Variants in PLPP4 observed in about 807,000 individuals in gnomAD.
PLPP4 encodes diacylglycerol pyrophosphate like 2.
Under a neutral mutation model 32.2 loss-of-function variants are expected in PLPP4, and 20 were observed. That is an observed-to-expected ratio of 0.62 (90% CI 0.44 to 0.90). PLPP4 has a LOEUF of 0.90. Ranked by LOEUF, PLPP4 falls within the 40% of genes least tolerant of loss-of-function variation. PLPP4 has a pLI of 0.00. For missense variants in PLPP4, 257 were observed against 353.1 expected (o/e 0.73, Z 2.18); for synonymous variants, 127 against 133.0 (o/e 0.95, Z 0.31).
intron 6 of PLPP4, among the ~76,000 whole-genome samples, chr10:120,583,967 C>T (rs893342677): frequency 6.6e-6 from 1 of 152,178 alleles, no homozygotes; most frequent in African/African-American, 2.4e-5. Flanking sequence ...GAGGGCTCCA[C>T]AGAGCCACAA....
intron 2 of PLPP4, among the ~76,000 whole-genome samples, chr10:120,506,973 G>A (rs1398174375): frequency 1.3e-5 from 2 of 152,204 alleles, no homozygotes; most frequent in African/African-American, 2.4e-5. Context: ...TATGCCCAAG[G>A]CCTTTATGGA....
chr10:120,513,764 C>CTTTTT, intron 2 of PLPP4, 147 bp from the exon 3 acceptor site: 3 of 651,010 alleles, frequency 4.6e-6, no homozygotes, highest in Middle Eastern at 2.5e-4. Flanking sequence ...ATACATCATC[C>CTTTTT]TTTTTTTTTT....
chr10:120,571,402 G>T (rs188971698), intron 5 of PLPP4, among the ~76,000 whole-genome samples: 2 of 151,986 alleles, frequency 1.3e-5, no homozygotes, highest in African/African-American at 4.8e-5. Flanking sequence ...GATGGAGGTA[G>T]GGTGGGGGAC....
chr10:120,571,057 A>G (rs2134040566), intron 5 of PLPP4, among the ~76,000 whole-genome samples: 1 of 150,440 alleles, frequency 6.6e-6, no homozygotes, highest in East Asian at 2.0e-4. Flanking sequence ...CCCACAGGTC[A>G]CTATGCTTAC....
Position 120,589,352 on chromosome 10 carries a change from C to T in PLPP4, c.666C>T (p.Tyr222=), listed in dbSNP as rs775194132. 1.9e-6 allele frequency: 3 copies of T among 1,614,170 alleles called. No homozygotes were observed. Among genetic ancestry groups the T allele is most frequent in the Middle Eastern group, 1.6e-4 (1 of 6,062 alleles). ...GCCTCATTTTTGCATACATTTGCTA[C>T]AGACAGCACTATCCTCCTCTGGCCA... ...VIGLIFAYIC[Y]RQHYPPLANT... is the part of the protein sequence containing the mutation. Residue 222 remains tyrosine, a synonymous_variant, in exon 7 of 7, where the codon TAC becomes TAT. Transcript: ENST00000398250.
chr10:120,494,762 T>C (rs1397340983), intron 1 of PLPP4, among the ~76,000 whole-genome samples: 1 of 152,208 alleles, frequency 6.6e-6, no homozygotes, highest in African/African-American at 2.4e-5. Context: ...TCTTGGGGTC[T>C]TCATTTCTTT....
Position 120,589,699 on chromosome 10 carries a change from A to G in PLPP4, c.*197A>G. ...CCAACATCCTTGAATTTGCAAGTGA[A>G]GGACAACAATCTCTGAGAGACGTGT... On this transcript the variant is annotated 3_prime_UTR_variant, in exon 7 of 7. Coordinates refer to ENST00000398250, the MANE Select transcript of PLPP4 (RefSeq NM_001030059.3). 1.7e-6 allele frequency: 1 copy of G among 576,136 alleles called. No individual in the cohort carries two copies. Among genetic ancestry groups the G allele is most frequent in the Non-Finnish European group, 3.0e-6 (1 of 328,460 alleles). 35.7% of individuals were successfully genotyped at this position (576,136 alleles called of 1,614,324 possible). A position where few individuals can be genotyped will look rare whatever the true frequency, so the allele number is the denominator to read the frequency against.
In PLPP4 at chr10:120,571,690, C is replaced by G. The variant is rs1435388914; in HGVS notation, c.446-3441C>G. On this transcript the variant is annotated intron_variant, in intron 5 of 6. Coordinates refer to ENST00000398250, the MANE Select transcript of PLPP4 (RefSeq NM_001030059.3). ...AGAGATTGCACCTTGATCCCAAACC[C>G]CTTAGCTGCCAGGAAGAGTGTCAGA... Among the ~76,000 whole-genome samples, 5 of 152,062 alleles carry G rather than the reference C, an allele frequency of 3.3e-5. No homozygotes were observed. In the East Asian group the frequency reaches 7.7e-4, roughly 24 times the overall value.
At chr10:120,484,579 C>T (rs951297454) in intron 1 of PLPP4, among the ~76,000 whole-genome samples, 34 of 152,300 alleles carry the variant, frequency 2.2e-4, no homozygotes, top group Non-Finnish European at 4.7e-4. Flanking sequence ...CGGGGCAAAG[C>T]CCTTATGGCC....
At chr10:120,504,449 C>T (rs1186949772) in intron 2 of PLPP4, among the ~76,000 whole-genome samples, 1 of 152,202 alleles carries the variant, frequency 6.6e-6, no homozygotes, top group African/African-American at 2.4e-5. Context: ...GAAGCAATAA[C>T]ATTTCCAAAT....
At chr10:120,570,769 A>G (rs1019511319) in intron 5 of PLPP4, among the ~76,000 whole-genome samples, 3 of 152,208 alleles carry the variant, frequency 2.0e-5, no homozygotes, top group Non-Finnish European at 4.4e-5. Context: ...CAGTGTCACC[A>G]GGCAGGCAGA....
chr10:120,522,831 G>A (rs997004488), intron 5 of PLPP4, among the ~76,000 whole-genome samples: 4 of 152,280 alleles, frequency 2.6e-5, no homozygotes, highest in South Asian at 2.1e-4. Context: ...TTTGACTGTC[G>A]TAATCCTTTC....
chr10:120,579,229 G>T (rs1230184817), intron 6 of PLPP4, among the ~76,000 whole-genome samples: 1 of 152,110 alleles, frequency 6.6e-6, no homozygotes. Flanking sequence ...CTAATCATAG[G>T]TCATTTTAAG....
At chr10:120,512,181 G>T (rs1179300388) in intron 2 of PLPP4, among the ~76,000 whole-genome samples, 1 of 152,162 alleles carries the variant, frequency 6.6e-6, no homozygotes, top group Non-Finnish European at 1.5e-5. Flanking sequence ...TAGTTATTTA[G>T]GTGTGAGAGC....
intron 1 of PLPP4, among the ~76,000 whole-genome samples, chr10:120,478,424 A>G (rs2133810500): frequency 6.6e-6 from 1 of 152,306 alleles, no homozygotes; most frequent in Admixed American, 6.5e-5. Context: ...TAAACAACTT[A>G]TCTTTGCTGG....
At chr10:120,481,440 T>G (rs763262466) in intron 1 of PLPP4, among the ~76,000 whole-genome samples, 11 of 152,168 alleles carry the variant, frequency 7.2e-5, no homozygotes, top group Admixed American at 2.0e-4. Context: ...TATGTACTGC[T>G]TGCTTGGTAG....
At chr10:120,529,505 T>C (rs899573794) in intron 5 of PLPP4, among the ~76,000 whole-genome samples, 9 of 151,064 alleles carry the variant, frequency 6.0e-5, no homozygotes, top group African/African-American at 2.2e-4. Context: ...GCTCACTATT[T>C]GATTTCTATG....
At chr10:120,483,461 A>G (rs914020887) in intron 1 of PLPP4, among the ~76,000 whole-genome samples, 2 of 152,218 alleles carry the variant, frequency 1.3e-5, no homozygotes, top group African/African-American at 4.8e-5. Context: ...TAATGAAGTT[A>G]ATGAGTGTAA....
chr10:120,590,473 C>T lies in PLPP4; in HGVS notation c.*971C>T, dbSNP rs1167112623. Among the ~76,000 whole-genome samples the T allele has an allele frequency of 2.6e-5, 4 of 152,160 alleles. No individual in the cohort carries two copies. Among genetic ancestry groups the T allele is most frequent in the African/African-American group, 7.2e-5 (3 of 41,420 alleles). ...AGGATTCTCCAAGTGGTGGTGTGTT[C>T]CTGTTCCTATCTAGCTGGCAATATT... is the stretch of plus-strand genomic sequence containing the variant. On this transcript the variant is annotated 3_prime_UTR_variant, in exon 7 of 7. Transcript: ENST00000398250.
Sources: allele counts gnomAD v4.1 joint callset (sites outside exome capture counted in the v4.1 genomes callset), GRCh38; gene constraint gnomAD v4.1.1; transcripts MANE v1.5; gene names NCBI Gene and HGNC (gene_info 2026-07-23, HGNC 2026-07-21).